The following RMDN2 variants were observed in gnomAD, a reference collection of about 807,000 sequenced individuals.
RMDN2 encodes regulator of microtubule dynamics protein 2.
RMDN2 carries 61 observed loss-of-function variants against 52.8 expected under a neutral mutation model. The observed-to-expected ratio is 1.16, with a 90% CI of 0.94 to 1.43. The LOEUF (loss-of-function observed/expected upper bound fraction) is 1.43, where lower values mean the gene tolerates loss of function less well. Among genes scored for constraint, RMDN2 ranks in the 40% most tolerant of loss-of-function variants. The probability of loss-of-function intolerance (pLI) is 0.00; values close to 1 mark genes in which losing one functional copy is unlikely to be tolerated. For synonymous variants in RMDN2, 180 were observed against 153.1 expected (o/e 1.18, Z -1.30); for missense variants, 592 against 475.3 (o/e 1.25, Z -2.28).
downstream of RMDN2, among the ~76,000 whole-genome samples, chr2:38,021,417 C>G (rs186933646): frequency 6.6e-6 from 1 of 152,180 alleles, no homozygotes; most frequent in African/African-American, 2.4e-5. Flanking sequence ...TGTTTTTTTG[C>G]TCTTTGCAAT....
chr2:37,974,065 G>T lies in RMDN2; in HGVS notation c.478G>T (p.Glu160Ter), dbSNP rs140735845. ...GTATATTACAGCTAATACTGACACA[G>T]AAGAACAGAGTTTTCCAGTCCCTAA... ...GGYITANTDTEEQSFPVPKAF... is the reference protein window; with the variant it reads ...GGYITANTDT Residue 160 changes from glutamate (E) to a stop codon, truncating the protein, a stop_gained, in exon 3 of 11, where the codon GAA (glutamate) becomes TAA (stop). Transcript: ENST00000354545. LOFTEE classifies it high-confidence loss of function. 4.7e-5 allele frequency: 76 copies of T among 1,610,690 alleles called. No homozygotes were observed. The African/African-American group carries it at 9.5e-4, about 20-fold the overall frequency.
At chr2:37,931,746 A>G (rs1666762869) in intron 2 of RMDN2, among the ~76,000 whole-genome samples, 1 of 151,650 alleles carries the variant, frequency 6.6e-6, no homozygotes, top group Non-Finnish European at 1.5e-5. Context: ...TGGGTTCAAG[A>G]AGGATTTGTG....
chr2:38,032,963 T>G (rs1259873803), intron 10 of RMDN2: 1 of 152,224 alleles, frequency 6.6e-6, no homozygotes, highest in African/African-American at 2.4e-5. Context: ...ACAGTAAGTA[T>G]ACATTAGCTT....
chr2:37,950,927 T>C (rs945036281), intron 2 of RMDN2, among the ~76,000 whole-genome samples: 3 of 152,118 alleles, frequency 2.0e-5, no homozygotes, highest in African/African-American at 7.2e-5. Flanking sequence ...TGCATATGTT[T>C]CCCCTGATCT....
chr2:37,951,827 T>TA (rs1210435039), intron 2 of RMDN2: 18 of 1,613,616 alleles, frequency 1.1e-5, no homozygotes, highest in Non-Finnish European at 1.5e-5. Context: ...ACACTATTGA[T>TA]ACAGCCTCCT....
intron 2 of RMDN2, among the ~76,000 whole-genome samples, chr2:37,971,939 G>T (rs1007001392): frequency 7.9e-5 from 12 of 152,140 alleles, no homozygotes; most frequent in Non-Finnish European, 7.4e-5. Flanking sequence ...AACCTGGAAA[G>T]AATTCACATA....
At chr2:37,934,463 CT>C (rs916052749) in intron 2 of RMDN2, among the ~76,000 whole-genome samples, 2 of 152,116 alleles carry the variant, frequency 1.3e-5, no homozygotes, top group Admixed American at 1.3e-4. Flanking sequence ...TGTCTGTGTC[CT>C]TTTTAGCACT....
intron 6 of RMDN2, among the ~76,000 whole-genome samples, chr2:37,990,926 A>G (rs1232691523): frequency 2.0e-5 from 3 of 152,210 alleles, no homozygotes; most frequent in Non-Finnish European, 4.4e-5. Flanking sequence ...ACTATTCACT[A>G]GTCAAGTCAT....
At chr2:38,003,200 T>G (rs758257741) in intron 8 of RMDN2, among the ~76,000 whole-genome samples, 1 of 152,214 alleles carries the variant, frequency 6.6e-6, no homozygotes, top group Non-Finnish European at 1.5e-5. Flanking sequence ...AAATCAAATA[T>G]TAATCTAGTG....
At chr2:37,934,038 C>G (rs1667086854) in intron 2 of RMDN2, among the ~76,000 whole-genome samples, 3 of 152,130 alleles carry the variant, frequency 2.0e-5, no homozygotes, top group Admixed American at 2.0e-4. Context: ...TCTTCATACA[C>G]AAGTGTCCTT....
chr2:37,974,977 T>C (rs896785416), intron 3 of RMDN2: 26 of 464,308 alleles, frequency 5.6e-5, no homozygotes, highest in East Asian at 4.3e-4. Context: ...AGCTAGTGTC[T>C]GGATAATATT....
chr2:37,936,364 G>T (rs1025276577), intron 2 of RMDN2, among the ~76,000 whole-genome samples: 8 of 152,194 alleles, frequency 5.3e-5, no homozygotes, highest in African/African-American at 1.9e-4. Flanking sequence ...ACGTGTGCGT[G>T]TGTCTTTACA....
At chr2:38,025,049 T>TTCCA (rs1464531305) in intron 10 of RMDN2, among the ~76,000 whole-genome samples, 1 of 152,132 alleles carries the variant, frequency 6.6e-6, no homozygotes, top group African/African-American at 2.4e-5. Flanking sequence ...TTTTTAAAAT[T>TTCCA]TCCATCAAGA....
intron 10 of RMDN2, among the ~76,000 whole-genome samples, chr2:38,015,937 G>C (rs1478412238): frequency 1.3e-5 from 2 of 152,212 alleles, no homozygotes; most frequent in African/African-American, 4.8e-5. Flanking sequence ...GGATAGTTCA[G>C]ATTTGGGAGA....
At chr2:37,933,884 A>G (rs911889938) in intron 2 of RMDN2, among the ~76,000 whole-genome samples, 6 of 152,312 alleles carry the variant, frequency 3.9e-5, no homozygotes, top group East Asian at 3.9e-4. Flanking sequence ...AATAAATAAA[A>G]TATTTTTCAG....
At position 37,989,524 on chromosome 2, in the gene RMDN2, G is replaced by T; in HGVS notation, c.792-17G>T. The T allele has an allele frequency of 6.3e-7, 1 of 1,595,088 alleles. No individual in the cohort carries two copies. The highest frequency in any genetic ancestry group is 8.6e-7 in the Non-Finnish European group (1 of 1,169,094). ...TACACAGTGGCCACTGTTTTTGTCT[G>T]TTTTTGTCCTTTTCAGGTATGCAGT... On this transcript the variant is annotated splice_polypyrimidine_tract_variant and intron_variant, in intron 5 of 10. Coordinates refer to ENST00000354545, the MANE Select transcript of RMDN2 (RefSeq NM_001170791.3).
intron 2 of RMDN2, among the ~76,000 whole-genome samples, chr2:37,960,980 T>A (rs1558474770): frequency 6.6e-6 from 1 of 152,228 alleles, no homozygotes; most frequent in African/African-American, 2.4e-5. Context: ...AAATTCAGGG[T>A]TGAAAATTCT....
chr2:37,929,587 G>A lies in RMDN2; in HGVS notation c.310G>A (p.Glu104Lys). The A allele has an allele frequency of 6.4e-7, 1 of 1,551,726 alleles. No individual in the cohort carries two copies. The highest frequency in any genetic ancestry group is 1.4e-5 in the African/African-American group (1 of 73,150). Residue 104 changes from glutamate (E) to lysine (K), a missense_variant, in exon 2 of 11, where the codon GAG (glutamate) becomes AAG (lysine). Physicochemically the swap from Glu to Lys is moderately conservative, Grantham distance 56. Coordinates refer to ENST00000354545, the MANE Select transcript of RMDN2 (RefSeq NM_001170791.3). ...RFLKEAIPKL[E>K]EYIQDELGGK... Reference sequence around the variant, plus strand: ...TCTTAAAGAAGCTATTCCAAAGCTGGAGGAATATATACAAGATGAACTTGG... The same window carrying A: ...TCTTAAAGAAGCTATTCCAAAGCTGAAGGAATATATACAAGATGAACTTGG...
At chr2:37,968,291 A>G (rs1671335683) in intron 2 of RMDN2, among the ~76,000 whole-genome samples, 1 of 150,736 alleles carries the variant, frequency 6.6e-6, no homozygotes, top group Admixed American at 6.6e-5. Flanking sequence ...AAATACAACA[A>G]AATTAGCTGG....
Sources: gnomAD v4.1 joint callset for allele counts (sites outside exome capture counted in the v4.1 genomes callset) on GRCh38, gnomAD v4.1.1 for gene constraint, MANE v1.5 for transcripts, NCBI Gene and HGNC (gene_info 2026-07-23, HGNC 2026-07-21) for gene names.